The following KCNK2 variants were observed in gnomAD, a reference collection of about 807,000 sequenced individuals.
KCNK2 encodes potassium channel subfamily K member 2.
In KCNK2, 21 loss-of-function variants were observed where a neutral mutation model predicts 40.5. That is an observed-to-expected ratio of 0.52 (90% CI 0.37 to 0.75). The LOEUF (loss-of-function observed/expected upper bound fraction) is 0.75. KCNK2 is among the 30% of genes least tolerant of loss of function. The probability of loss-of-function intolerance (pLI) is 0.00; values close to 1 mark genes in which losing one functional copy is unlikely to be tolerated. For missense variants in KCNK2, 399 were observed against 531.6 expected (o/e 0.75, Z 2.45); for synonymous variants, 191 against 202.2 (o/e 0.94, Z 0.47).
chr1:215,216,620 T>A (rs1157995477), intron 6 of KCNK2, among the ~76,000 whole-genome samples: 2 of 133,642 alleles, frequency 1.5e-5, no homozygotes, highest in African/African-American at 5.3e-5. Context: ...TTTCTAATAG[T>A]CTTACTAAAA....
Position 215,086,318 on chromosome 1 carries a change from A to C in KCNK2, c.47-50A>C, listed in dbSNP as rs748722690. 3.4e-6 allele frequency: 5 copies of C among 1,467,610 alleles called. No individual in the cohort carries two copies. In the South Asian group the frequency reaches 3.6e-5, roughly 10 times the overall value. 90.9% of individuals were successfully genotyped at this position (1,467,610 alleles called of 1,614,324 possible). ...ACCCCTTAAAGAAGAAGCCCGACCA[A>C]TTCCCTTCTCATCTCCTCCAACCTA... On this transcript the variant is annotated intron_variant, in intron 1 of 6. Transcript: ENST00000444842.
rs1558082076 is a variant in KCNK2 at position 215,083,031 on chromosome 1, G to A, written c.-355G>A. 2 of 156,304 alleles carry A rather than the reference G, an allele frequency of 1.3e-5. No homozygotes were observed. Among genetic ancestry groups the A allele is most frequent in the South Asian group, 1.8e-4 (1 of 5,632 alleles). 9.7% of individuals were successfully genotyped at this position (156,304 alleles called of 1,614,324 possible). A position where few individuals can be genotyped will look rare whatever the true frequency, so the allele number is the denominator to read the frequency against. On this transcript the variant is annotated 5_prime_UTR_variant, in exon 1 of 7. Transcript: ENST00000444842. ...CGGCGGCGGCGGCGGCGGCGGCGGC[G>A]GGCAGGCGCGGGACCCGGGTCGCCC...
intron 3 of KCNK2, among the ~76,000 whole-genome samples, chr1:215,155,504 ATATT>A (rs1168108704): frequency 2.0e-5 from 3 of 152,032 alleles, no homozygotes; most frequent in African/African-American, 7.2e-5. Flanking sequence ...ATTCAGGAAG[ATATT>A]TATTTATTTA....
chr1:215,010,712 T>G (rs1656345299), intron 1 of KCNK2, among the ~76,000 whole-genome samples: 1 of 152,198 alleles, frequency 6.6e-6, no homozygotes, highest in Non-Finnish European at 1.5e-5. Flanking sequence ...TTTTCATACC[T>G]TGGCTTTCAA....
chr1:215,235,204 T>C lies in KCNK2; in HGVS notation c.*59T>C. The C allele has an allele frequency of 1.4e-6, 2 of 1,399,936 alleles. No individual in the cohort carries two copies. The highest frequency in any genetic ancestry group is 4.6e-5 in the East Asian group (2 of 43,190). The allele number at this position is 1,399,936 out of a possible 1,614,324, so 86.7% of individuals were successfully genotyped here. ...GGTGAGGACTTCTCTATGCTCTTTATGACTGTTGCTGGTAGCATTTTTTAA... is the reference window on the plus strand; with the variant it reads ...GGTGAGGACTTCTCTATGCTCTTTACGACTGTTGCTGGTAGCATTTTTTAA... On this transcript the variant is annotated 3_prime_UTR_variant, in exon 7 of 7. Coordinates refer to ENST00000444842, the MANE Select transcript of KCNK2 (RefSeq NM_001017425.3).
intron 3 of KCNK2, among the ~76,000 whole-genome samples, chr1:215,151,312 A>C (rs1662677364): frequency 6.6e-6 from 1 of 152,082 alleles, no homozygotes; most frequent in Non-Finnish European, 1.5e-5. Context: ...TTCATTGGTT[A>C]GTTCATCCTC....
In KCNK2 at chr1:215,236,045, AATCTATCT is replaced by A. The variant is rs1553277248; in HGVS notation, c.*946_*953del. The A allele has an allele frequency of 0.044, 6,281 of 144,300 alleles. 167 individuals are homozygous for A. The highest frequency in any genetic ancestry group is 0.07 in the South Asian group (323 of 4,592). 8.9% of individuals were successfully genotyped at this position (144,300 alleles called of 1,614,324 possible). Reference sequence around the variant, plus strand: ...TACATTTTTAAAGGCAGAAGAAGAAAATCTATCTATCTATCTATCTATCTATCTATCTA... The same window carrying A: ...TACATTTTTAAAGGCAGAAGAAGAAAATCTATCTATCTATCTATCTATCTA... On this transcript the variant is annotated 3_prime_UTR_variant, in exon 7 of 7. Coordinates refer to ENST00000444842, the MANE Select transcript of KCNK2 (RefSeq NM_001017425.3).
intron 5 of KCNK2, among the ~76,000 whole-genome samples, chr1:215,181,295 G>A (rs1375881029): frequency 6.6e-6 from 1 of 152,058 alleles, no homozygotes; most frequent in Non-Finnish European, 1.5e-5. Flanking sequence ...TTTCAACTGT[G>A]TACTGGCTTT....
At chr1:215,104,682 A>G (rs1660359630) in intron 2 of KCNK2, among the ~76,000 whole-genome samples, 1 of 152,152 alleles carries the variant, frequency 6.6e-6, no homozygotes, top group South Asian at 2.1e-4. Flanking sequence ...GATTTTTAAA[A>G]AGGACTTCAC....
intron 5 of KCNK2, among the ~76,000 whole-genome samples, chr1:215,181,856 A>G (rs74140948): frequency 0.056 from 8,520 of 152,312 alleles, 261 homozygotes; most frequent in Middle Eastern, 0.14. Flanking sequence ...TGCTCAGGCC[A>G]GGGGAGGCCA....
intron 1 of KCNK2, among the ~76,000 whole-genome samples, chr1:215,042,575 A>T (rs1444854894): frequency 6.6e-6 from 1 of 152,238 alleles, no homozygotes; most frequent in Admixed American, 6.5e-5. Flanking sequence ...TTGACTAAGA[A>T]TAAGAGTAGA....
intron 1 of KCNK2, among the ~76,000 whole-genome samples, chr1:215,038,440 T>A (rs1453605279): frequency 1.3e-5 from 2 of 152,138 alleles, no homozygotes; most frequent in East Asian, 3.9e-4. Flanking sequence ...AGATAGTATG[T>A]TCAGGGAGTA....
chr1:215,124,606 CT>C (rs1300514962), intron 2 of KCNK2, 26 bp from the exon 3 acceptor site: 1 of 1,321,540 alleles, frequency 7.6e-7, no homozygotes. Context: ...TTCATGTGTA[CT>C]GATAAATTTC....
At chr1:215,175,704 T>C (rs1007604836) in intron 5 of KCNK2, among the ~76,000 whole-genome samples, 3 of 152,076 alleles carry the variant, frequency 2.0e-5, no homozygotes, top group Non-Finnish European at 2.9e-5. Context: ...TTTATGTCCA[T>C]GAGTACCCAT....
chr1:215,215,128 AG>A (rs1665903747), intron 6 of KCNK2, among the ~76,000 whole-genome samples: 1 of 152,198 alleles, frequency 6.6e-6, no homozygotes, highest in South Asian at 2.1e-4. Context: ...AATCAGACAA[AG>A]GCAAAAAAGA....
chr1:215,049,709 T>C (rs1584760), intron 1 of KCNK2, among the ~76,000 whole-genome samples: 1 of 151,796 alleles, frequency 6.6e-6, no homozygotes, highest in Admixed American at 6.6e-5. Context: ...TATTTATTTA[T>C]TTTTTTAGCC....
At chr1:215,069,541 T>C (rs1428009225) in intron 1 of KCNK2, among the ~76,000 whole-genome samples, 1 of 152,238 alleles carries the variant, frequency 6.6e-6, no homozygotes, top group East Asian at 1.9e-4. Flanking sequence ...CATGGTTCAG[T>C]GCTGACAGTG....
intron 6 of KCNK2, among the ~76,000 whole-genome samples, chr1:215,219,572 A>G (rs1485091564): frequency 6.6e-6 from 1 of 152,114 alleles, no homozygotes; most frequent in Non-Finnish European, 1.5e-5. Context: ...CAGAATTTTG[A>G]TTCATCCCAT....
intron 6 of KCNK2, among the ~76,000 whole-genome samples, chr1:215,214,744 T>C (rs61819677): frequency 0.19 from 28,928 of 152,062 alleles, 3,209 homozygotes; most frequent in South Asian, 0.46. Flanking sequence ...GAGGATGGCT[T>C]GAGCCCGGGA....
Sources: allele counts gnomAD v4.1 joint callset (sites outside exome capture counted in the v4.1 genomes callset), GRCh38; gene constraint gnomAD v4.1.1; transcripts MANE v1.5; gene names NCBI Gene and HGNC (gene_info 2026-07-23, HGNC 2026-07-21).